Variants in NYX observed in about 807,000 individuals in gnomAD.
The protein encoded by NYX is nyctalopin, also known as leucine-rich repeat protein.
For missense variants in NYX, 481 were observed against 485.4 expected (o/e 0.99, Z 0.09); for synonymous variants, 258 against 245.7 (o/e 1.05, Z -0.47).
At chrX:41,459,622 GA>G (rs147415599) in intron 2 of NYX, among the ~76,000 whole-genome samples, 1 of 105,307 alleles carries the variant, frequency 9.5e-6, no homozygotes, top group African/African-American at 3.4e-5. Flanking sequence ...CTGTCTTGGG[GA>G]AAAAAAAAGA....
chrX:41,474,404 C>T lies in NYX; in HGVS notation c.936C>T (p.Leu312=), dbSNP rs1185969144. Residue 312 remains leucine (L), a synonymous_variant, in exon 3 of 3, where the codon CTC becomes CTT. Transcript: ENST00000378220. ...LHLNGNRLTV[L]AWVAFQPGFF... ...TCAACGGCAACCGCCTCACCGTGCT[C>T]GCCTGGGTCGCCTTCCAGCCCGGCT... 5 of 1,206,341 alleles carry T rather than the reference C, an allele frequency of 4.1e-6. No homozygotes were observed. The highest frequency in any genetic ancestry group is 1.7e-5 in the African/African-American group (1 of 57,454).
Position 41,474,783 on chromosome X carries a change from G to T in NYX, c.1315G>T (p.Asp439Tyr), listed in dbSNP as rs34181799. 17 of 1,198,072 alleles carry T rather than the reference G, an allele frequency of 1.4e-5. No individual in the cohort carries two copies. The highest frequency in any genetic ancestry group is 1.9e-5 in the Non-Finnish European group (17 of 889,663). ...GGGGCTGGCCAACGCCTCCCTGTCC[G>T]ACAGCCTCTCCTCCCGTGGGGTGGG... ...TGGLANASLS[D>Y]SLSSRGVGGA... Residue 439 changes from aspartate (D) to tyrosine (Y), a missense_variant, in exon 3 of 3, where the codon GAC becomes TAC. Asp to Tyr is a radical substitution (Grantham distance 160, BLOSUM62 -3). Transcript: ENST00000378220.
At chrX:41,457,192 G>A (rs1437929116) in intron 2 of NYX, among the ~76,000 whole-genome samples, 1 of 109,119 alleles carries the variant, frequency 9.2e-6, no homozygotes, top group Non-Finnish European at 1.9e-5. Context: ...TGTAATCCCA[G>A]CTACTCGGGA....
At chrX:41,466,142 T>G (rs149416653) in intron 2 of NYX, among the ~76,000 whole-genome samples, 1,631 of 111,983 alleles carry the variant, frequency 0.015, 11 homozygotes, top group Non-Finnish European at 0.024. Context: ...GAAATTGCCC[T>G]GAGAGAGCCG....
intron 2 of NYX, among the ~76,000 whole-genome samples, chrX:41,455,356 C>G (rs1054901557): frequency 9.1e-6 from 1 of 110,317 alleles, no homozygotes; most frequent in Non-Finnish European, 1.9e-5. Flanking sequence ...ATCTGCCTGC[C>G]TCGGCCTCCC....
At chrX:41,448,009 G>A in intron 2 of NYX, 83 bp downstream of exon 2, 4 of 986,753 alleles carry the variant, frequency 4.1e-6, no homozygotes, top group Middle Eastern at 5.1e-4. Flanking sequence ...CTTTAAAGTG[G>A]CTTCTGGGAC....
intron 1 of NYX, 23 bp from the exon 2 acceptor site, chrX:41,447,826 T>C: frequency 8.7e-7 from 1 of 1,148,268 alleles, no homozygotes; most frequent in Non-Finnish European, 1.2e-6. Context: ...GGGCACTGGG[T>C]GACCTGTCCT....
intron 2 of NYX, among the ~76,000 whole-genome samples, chrX:41,460,588 C>G (rs750903699): frequency 8.9e-6 from 1 of 111,811 alleles, no homozygotes; most frequent in Non-Finnish European, 1.9e-5. Context: ...ACTTAGTTGT[C>G]TTTTCATTAT....
rs2064323840 is a variant in NYX at position 41,462,535 on chromosome X, T to G, written c.23-10956T>G. 2.7e-5 allele frequency among the ~76,000 whole-genome samples: 3 copies of G among 111,891 alleles called. No individual in the cohort carries two copies. The Admixed American group carries it at 2.9e-4, about 11-fold the overall frequency. On this transcript the variant is annotated intron_variant, in intron 2 of 2. Transcript: ENST00000378220. ...TGGCTTATAAGCAACAGAAATGTAT[T>G]TATCACAATTCTGGAGGCTGGAAGT...
rs779240330 is a variant in NYX at position 41,462,165 on chromosome X, C to T, written c.23-11326C>T. Among the ~76,000 whole-genome samples, 3 of 112,017 alleles carry T rather than the reference C, an allele frequency of 2.7e-5. No homozygotes were observed. The South Asian group carries it at 1.1e-3, about 42-fold the overall frequency. On this transcript the variant is annotated intron_variant, in intron 2 of 2. Transcript: ENST00000378220. ...TTTGTGAATTATCCAATAGTCATTG[C>T]TTTTTATTGCTGAGTAATATTCCAC...
chrX:41,468,655 C>T (rs1219281914), intron 2 of NYX, among the ~76,000 whole-genome samples: 4 of 112,009 alleles, frequency 3.6e-5, no homozygotes, highest in Non-Finnish European at 7.5e-5. Flanking sequence ...ATTCTACAAA[C>T]GTTTATTGAG....
At chrX:41,471,366 C>A (rs1180844415) in intron 2 of NYX, among the ~76,000 whole-genome samples, 1 of 111,848 alleles carries the variant, frequency 8.9e-6, no homozygotes. Flanking sequence ...CCCACCTCGG[C>A]CTCTCGAAGT....
Position 41,474,106 on chromosome X carries a change from T to C in NYX, c.638T>C (p.Val213Ala), listed in dbSNP as rs2147025873. The change falls in exon 3 of 3, where the codon GTC (valine) becomes GCC (alanine). Residue 213 changes from valine to alanine, a missense_variant. Transcript: ENST00000378220. ...LRSLSLQANRVRAVHAGAFGD... is the reference protein window; with the variant it reads ...LRSLSLQANRARAVHAGAFGD... ...TCGCTCAGCCTGCAGGCCAACCGCG[T>C]CCGTGCCGTGCACGCTGGCGCCTTC... 9.0e-7 allele frequency: 1 copy of C among 1,113,802 alleles called. No homozygotes were observed. The highest frequency in any genetic ancestry group is 1.2e-6 in the Non-Finnish European group (1 of 852,543). The allele number at this position is 1,113,802 out of a possible 1,213,427, so 91.8% of individuals were successfully genotyped here.
At position 41,474,548 on chromosome X, in the gene NYX, G is replaced by A. The variant is rs1012364938; in HGVS notation, c.1080G>A (p.Pro360=). Residue 360 remains proline, a synonymous_variant, in exon 3 of 3, where the codon CCG becomes CCA. Coordinates refer to ENST00000378220, the MANE Select transcript of NYX (RefSeq NM_001378477.3). ...TCACCGACGTGCCGTGCGCCTCCCC[G>A]GGCTCCGTGGCCGGCCTGGACCTCA... ...GRVTDVPCAS[P]GSVAGLDLSQ... is the part of the protein sequence containing the mutation. 1.7e-6 allele frequency: 2 copies of A among 1,199,707 alleles called. No individual in the cohort carries two copies. Among genetic ancestry groups the A allele is most frequent in the Admixed American group, 2.2e-5 (1 of 44,750 alleles).
In NYX at chrX:41,474,860, C is replaced by G. The variant is rs1003093901; in HGVS notation, c.1392C>G (p.Ser464Arg). 1 of 1,205,527 alleles carries G rather than the reference C, an allele frequency of 8.3e-7. No homozygotes were observed. Among genetic ancestry groups the G allele is most frequent in the Non-Finnish European group, 1.1e-6 (1 of 893,784 alleles). Residue 464 changes from serine (S) to arginine (R), a missense_variant, in exon 3 of 3, where the codon AGC becomes AGG. Physicochemically the swap from Ser to Arg is moderately radical, Grantham distance 110. Coordinates refer to ENST00000378220, the MANE Select transcript of NYX (RefSeq NM_001378477.3). ...TCCTCGCCTCTTGTCTCCTGCCCAG[C>G]GTGGCCCAGCACGTGGTGTTTGGCC... ...WFLLASCLLP[S>R]VAQHVVFGLQ...
In NYX at chrX:41,473,721, C is replaced by G. The variant is rs1026900117; in HGVS notation, c.253C>G (p.Arg85Gly). 1 of 1,153,088 alleles carries G rather than the reference C, an allele frequency of 8.7e-7. No homozygotes were observed. Among genetic ancestry groups the G allele is most frequent in the Admixed American group, 2.4e-5 (1 of 41,185 alleles). The change falls in exon 3 of 3, where the codon CGC (arginine) becomes GGC (glycine). Residue 85 changes from arginine to glycine, a missense_variant. Transcript: ENST00000378220. Reference sequence around the variant, plus strand: ...CTTCGGCACGCTGCCGTCCTTGCGCCGCCTGTCGCTGCGCCACAACAACCT... The same window carrying G: ...CTTCGGCACGCTGCCGTCCTTGCGCGGCCTGTCGCTGCGCCACAACAACCT... ...RAFGTLPSLR[R>G]LSLRHNNLSF...
chrX:41,474,839 C>A lies in NYX; in HGVS notation c.1371C>A (p.Leu457=). The change falls in exon 3 of 3, where the codon CTC becomes CTA. Residue 457 remains leucine (L), a synonymous_variant. Transcript: ENST00000378220. Reference sequence around the variant, plus strand: ...CGGGCCGGCAGCCCTGGTTTCTCCTCGCCTCTTGTCTCCTGCCCAGCGTGG... The same window carrying A: ...CGGGCCGGCAGCCCTGGTTTCTCCTAGCCTCTTGTCTCCTGCCCAGCGTGG... The part of the protein sequence containing the change: ...GGAGRQPWFL[L]ASCLLPSVAQ... 2 of 1,207,029 alleles carry A rather than the reference C, an allele frequency of 1.7e-6. No homozygotes were observed. The highest frequency in any genetic ancestry group is 2.2e-6 in the Non-Finnish European group (2 of 894,039).
chrX:41,450,648 AT>A (rs143136288), intron 2 of NYX, among the ~76,000 whole-genome samples: 27,446 of 85,441 alleles, frequency 0.32, 3,992 homozygotes, highest in African/African-American at 0.46. Flanking sequence ...GAATGGCTAC[AT>A]TTTTTTTTTT....
At chrX:41,447,689 T>C (rs1053960817) in intron 1 of NYX, 160 bp from the exon 2 acceptor site, 5 of 458,606 alleles carry the variant, frequency 1.1e-5, no homozygotes, top group Non-Finnish European at 1.9e-5. Context: ...TCTGATTTTC[T>C]GTTGTTACTG....
Sources: allele counts gnomAD v4.1 joint callset (sites outside exome capture counted in the v4.1 genomes callset), GRCh38; gene constraint gnomAD v4.1.1; transcripts MANE v1.5; gene names NCBI Gene and HGNC (gene_info 2026-07-23, HGNC 2026-07-21).